SERINC5: variants seen among roughly 807,000 people sequenced by gnomAD.
SERINC5 encodes serine incorporator 5.
In SERINC5, 41 loss-of-function variants were observed where a neutral mutation model predicts 63.1. The ratio of observed to expected loss-of-function variants is 0.65; its 90% CI spans 0.51 to 0.84. The LOEUF is 0.84. SERINC5 is among the 40% of genes least tolerant of loss of function. The pLI is 0.00. For synonymous variants in SERINC5, 222 were observed against 215.2 expected (o/e 1.03, Z -0.28); for missense variants, 523 against 573.0 (o/e 0.91, Z 0.89).
chr5:80,241,675 T>C (rs1393412997), intron 1 of SERINC5, among the ~76,000 whole-genome samples: 1 of 151,856 alleles, frequency 6.6e-6, no homozygotes, highest in East Asian at 1.9e-4. Flanking sequence ...CACCCCAGCC[T>C]GGGTGACAGG....
chr5:80,140,713 C>T lies in SERINC5; in HGVS notation c.*2950G>A. On this transcript the variant is annotated 3_prime_UTR_variant, in exon 12 of 12. Transcript: ENST00000507668. ...GGTAACATGCCGCGGTATGACACTC[C>T]CATAAGAACCCCCACCCCCCTGCCA... The T allele has an allele frequency of 1.0e-6, 1 of 985,212 alleles. No individual in the cohort carries two copies. Among genetic ancestry groups the T allele is most frequent in the Non-Finnish European group, 1.2e-6 (1 of 829,884 alleles). The allele number at this position is 985,212 out of a possible 1,614,324, so 61.0% of individuals were successfully genotyped here. A position where few individuals can be genotyped will look rare whatever the true frequency, so the allele number is the denominator to read the frequency against.
intron 11 of SERINC5, among the ~76,000 whole-genome samples, chr5:80,127,779 A>G (rs1181142185): frequency 6.6e-6 from 1 of 152,034 alleles, no homozygotes; most frequent in East Asian, 1.9e-4. Flanking sequence ...TTGATAAGGT[A>G]CTCCCAAATA....
At chr5:80,233,319 C>CA (rs1364644466) in intron 1 of SERINC5, among the ~76,000 whole-genome samples, 2 of 130,868 alleles carry the variant, frequency 1.5e-5, no homozygotes, top group African/African-American at 5.0e-5. Flanking sequence ...CCCAGCTACT[C>CA]AGGAGGCTGA....
At chr5:80,249,302 G>C (rs183076998) in intron 1 of SERINC5, among the ~76,000 whole-genome samples, 3 of 150,310 alleles carry the variant, frequency 2.0e-5, no homozygotes, top group Admixed American at 6.6e-5. Context: ...GCAACACAGC[G>C]AGACTCTGTC....
rs1745516780 is a variant in SERINC5 at position 80,141,665 on chromosome 5, G to A, written c.*1998C>T. ...ACACAGCTACTGTGTGTGACACGCA[G>A]CCCCACTCCCTGAGCCCATTCCTGG... On this transcript the variant is annotated 3_prime_UTR_variant, in exon 12 of 12. Coordinates refer to ENST00000507668, the MANE Select transcript of SERINC5 (RefSeq NM_001174072.3). 3.0e-6 allele frequency: 3 copies of A among 985,356 alleles called. No individual in the cohort carries two copies. The Admixed American group carries it at 1.8e-4, about 61-fold the overall frequency. 61.0% of individuals were successfully genotyped at this position (985,356 alleles called of 1,614,324 possible). A position where few individuals can be genotyped will look rare whatever the true frequency, so the allele number is the denominator to read the frequency against.
At chr5:80,168,618 C>A (rs1747456011) in intron 6 of SERINC5, among the ~76,000 whole-genome samples, 1 of 152,112 alleles carries the variant, frequency 6.6e-6, no homozygotes, top group Admixed American at 6.6e-5. Context: ...CCTATAGGGT[C>A]CGACACCCAC....
intron 1 of SERINC5, among the ~76,000 whole-genome samples, chr5:80,255,575 G>A (rs1163486830): frequency 6.6e-6 from 1 of 152,216 alleles, no homozygotes; most frequent in Non-Finnish European, 1.5e-5. Context: ...ATTCACCAGT[G>A]CTCGGCGCAA....
intron 11 of SERINC5, among the ~76,000 whole-genome samples, chr5:80,130,058 GT>G (rs1744881320): frequency 6.6e-6 from 1 of 152,148 alleles, no homozygotes; most frequent in Non-Finnish European, 1.5e-5. Context: ...TTGACCAACT[GT>G]TTTTCTATTA....
chr5:80,164,750 A>G (rs902723494), intron 7 of SERINC5, among the ~76,000 whole-genome samples: 4 of 151,974 alleles, frequency 2.6e-5, no homozygotes, highest in Non-Finnish European at 5.9e-5. Flanking sequence ...TTCTAGTTCC[A>G]GGTGCAATGT....
intron 11 of SERINC5, among the ~76,000 whole-genome samples, chr5:80,116,785 A>AC (rs1053064717): frequency 2.7e-5 from 4 of 148,478 alleles, no homozygotes; most frequent in African/African-American, 7.5e-5. Flanking sequence ...GCCTCATTCC[A>AC]CCCCCACTGG....
At chr5:80,120,545 G>A (rs868579989) in intron 11 of SERINC5, among the ~76,000 whole-genome samples, 9 of 152,284 alleles carry the variant, frequency 5.9e-5, no homozygotes, top group Admixed American at 1.3e-4. Flanking sequence ...ATGGCCAGGC[G>A]TGGGGGCTTA....
At chr5:80,170,174 C>T (rs1391822395) in intron 5 of SERINC5, among the ~76,000 whole-genome samples, 2 of 152,126 alleles carry the variant, frequency 1.3e-5, no homozygotes, top group East Asian at 1.9e-4. Flanking sequence ...GACTGCTGTC[C>T]TGTCTTTGTT....
chr5:80,186,385 G>A (rs928624160), intron 2 of SERINC5, among the ~76,000 whole-genome samples: 1 of 151,936 alleles, frequency 6.6e-6, no homozygotes, highest in Admixed American at 6.6e-5. Flanking sequence ...TGATCCACCC[G>A]CCTCGGCCCC....
intron 2 of SERINC5, among the ~76,000 whole-genome samples, chr5:80,186,067 C>T (rs1748777096): frequency 7.6e-6 from 1 of 132,028 alleles, no homozygotes; most frequent in South Asian, 2.5e-4. Flanking sequence ...AGTAGATGCT[C>T]TATTCACTTT....
intron 2 of SERINC5, among the ~76,000 whole-genome samples, chr5:80,181,646 A>G (rs1748434594): frequency 6.8e-6 from 1 of 147,694 alleles, no homozygotes; most frequent in African/African-American, 2.4e-5. Context: ...AAAACTGTAC[A>G]TTTTTTATGA....
chr5:80,117,338 C>A (rs1438166860), intron 11 of SERINC5, among the ~76,000 whole-genome samples: 1 of 152,082 alleles, frequency 6.6e-6, no homozygotes, highest in East Asian at 1.9e-4. Flanking sequence ...TTGGCACCTA[C>A]CTCATAGAAT....
chr5:80,242,581 C>T (rs1751993505), intron 1 of SERINC5, among the ~76,000 whole-genome samples: 1 of 152,160 alleles, frequency 6.6e-6, no homozygotes, highest in Non-Finnish European at 1.5e-5. Flanking sequence ...GAAAGCTTGT[C>T]TCTACTAAAA....
intron 1 of SERINC5, among the ~76,000 whole-genome samples, chr5:80,234,090 G>GTT: frequency 6.6e-6 from 1 of 152,184 alleles, no homozygotes; most frequent in African/African-American, 2.4e-5. Flanking sequence ...GATTACAGGC[G>GTT]TGAGCCACCA....
intron 2 of SERINC5, among the ~76,000 whole-genome samples, chr5:80,196,010 T>TAATATGC (rs2112472299): frequency 6.6e-6 from 1 of 152,116 alleles, no homozygotes; most frequent in South Asian, 2.1e-4. Context: ...AAGGTAAGTG[T>TAATATGC]AATATGCAAC....
Sources: gnomAD v4.1 joint callset for allele counts (sites outside exome capture counted in the v4.1 genomes callset) on GRCh38, gnomAD v4.1.1 for gene constraint, MANE v1.5 for transcripts, NCBI Gene and HGNC (gene_info 2026-07-23, HGNC 2026-07-21) for gene names.